PDE11A: variants seen among roughly 807,000 people sequenced by gnomAD.
The protein encoded by PDE11A is phosphodiesterase 11A, also known as dual 3',5'-cyclic-AMP and -GMP phosphodiesterase 11A.
In PDE11A, 100 loss-of-function variants were observed where a neutral mutation model predicts 100.5. The ratio of observed to expected loss-of-function variants is 1.00; its 90% CI spans 0.85 to 1.18. The LOEUF (loss-of-function observed/expected upper bound fraction) is 1.18. Ranked by LOEUF, PDE11A falls within the 50% of genes most tolerant of loss-of-function variation. The pLI, the probability that PDE11A is intolerant of heterozygous loss-of-function variation, is 0.00. For missense variants in PDE11A, 1,141 were observed against 1,152.6 expected, an observed-to-expected ratio of 0.99 and a Z score of 0.15; for synonymous variants, 381 against 420.8, an observed-to-expected ratio of 0.91 and a Z score of 1.16.
Position 178,072,685 on chromosome 2 carries a change from G to T in PDE11A, c.-248C>A, listed in dbSNP as rs1446050724. 1.4e-6 allele frequency: 2 copies of T among 1,411,836 alleles called. No individual in the cohort carries two copies. The highest frequency in any genetic ancestry group is 5.3e-5 in the East Asian group (2 of 37,694). The allele number at this position is 1,411,836 out of a possible 1,614,324, so 87.5% of individuals were successfully genotyped here. A position where few individuals can be genotyped will look rare whatever the true frequency, so the allele number is the denominator to read the frequency against. On this transcript the variant is annotated 5_prime_UTR_variant, in exon 1 of 20. Coordinates refer to ENST00000286063, the MANE Select transcript of PDE11A (RefSeq NM_016953.4). ...CCGCACAGGTGCCCAGCACTGAGCT[G>T]CCGCCGCTGCCCCGGCTCCTGTTCC... is the stretch of plus-strand genomic sequence containing the variant.
chr2:177,788,808 C>T (rs1287686124), intron 9 of PDE11A, among the ~76,000 whole-genome samples: 11 of 152,194 alleles, frequency 7.2e-5, no homozygotes, highest in Middle Eastern at 3.4e-3. Context: ...ATAAATTCCT[C>T]GACACATACA....
At chr2:178,085,479 C>T (rs1304740397) in intron 2 of PDE11A, among the ~76,000 whole-genome samples, 1 of 151,904 alleles carries the variant, frequency 6.6e-6, no homozygotes, top group African/African-American at 2.4e-5. Flanking sequence ...GAGCATCAAA[C>T]AATATTCCCA....
At position 177,859,466 on chromosome 2, in the gene PDE11A, A is replaced by G. The variant is rs138650977; in HGVS notation, c.1367+16393T>C. The stretch of plus-strand genomic sequence containing the variant: ...ACACCTAATAACACATCCCTAAAAC[A>G]TATGAAGCAAAGGTTGAGAGAACTG... On this transcript the variant is annotated intron_variant, in intron 5 of 19. Coordinates refer to ENST00000286063, the MANE Select transcript of PDE11A (RefSeq NM_016953.4). Among the ~76,000 whole-genome samples the G allele has an allele frequency of 9.7e-3, 1,472 of 151,970 alleles. 21 individuals are homozygous for G. Among genetic ancestry groups the G allele is most frequent in the Middle Eastern group, 0.037 (11 of 294 alleles).
intron 2 of PDE11A, among the ~76,000 whole-genome samples, chr2:177,933,241 G>A (rs1055404306): frequency 6.6e-6 from 1 of 152,076 alleles, no homozygotes; most frequent in Non-Finnish European, 1.5e-5. Flanking sequence ...TCATTAAAAT[G>A]GCCATATTGC....
intron 10 of PDE11A, among the ~76,000 whole-genome samples, chr2:177,740,705 G>C (rs1438594031): frequency 6.6e-6 from 1 of 152,172 alleles, no homozygotes; most frequent in African/African-American, 2.4e-5. Flanking sequence ...CTGCAGCACA[G>C]CATGGAATTA....
In PDE11A at chr2:177,817,877, G is replaced by A. The variant is rs777556697; in HGVS notation, c.1625C>T (p.Ala542Val). Reference sequence around the variant, plus strand: ...TCTTACCTCAAAAAGTCGTTGATCTGCATCATCAAAAGGTTTCCCATCAAG... The same window carrying A: ...TCTTACCTCAAAAAGTCGTTGATCTACATCATCAAAAGGTTTCCCATCAAG... ...NRLDGKPFDD[A>V]DQRLFEAFVI... Residue 542 changes from alanine (A) to valine (V), a missense_variant, in exon 8 of 20, where the codon GCA (alanine) becomes GTA (valine). Ala to Val is a moderately conservative substitution (Grantham distance 64). Transcript: ENST00000286063. 55 of 1,530,296 alleles carry A rather than the reference G, an allele frequency of 3.6e-5. 1 individual carries two copies. In the South Asian group the frequency reaches 5.7e-4, roughly 16 times the overall value. The allele number at this position is 1,530,296 out of a possible 1,614,324, so 94.8% of individuals were successfully genotyped here. A position where few individuals can be genotyped will look rare whatever the true frequency, so the allele number is the denominator to read the frequency against.
chr2:177,733,460 C>T (rs1331451007), intron 10 of PDE11A, among the ~76,000 whole-genome samples: 1 of 152,172 alleles, frequency 6.6e-6, no homozygotes, highest in Non-Finnish European at 1.5e-5. Flanking sequence ...AGTCATAAAA[C>T]TGCCTCCTCT....
chr2:177,991,404 G>A (rs1220895811), intron 2 of PDE11A, among the ~76,000 whole-genome samples: 1 of 150,718 alleles, frequency 6.6e-6, no homozygotes, highest in African/African-American at 2.4e-5. Flanking sequence ...GGGAGGCCAA[G>A]GCGGGCAGAT....
rs1366819364 is a variant in PDE11A, at chr2:177,817,886, A to C, written c.1616T>G (p.Phe539Cys). ...QVLNRLDGKPFDDADQRLFEA... is the reference protein window; with the variant it reads ...QVLNRLDGKPCDDADQRLFEA... ...AAAAAGTCGTTGATCTGCATCATCA[A>C]AAGGTTTCCCATCAAGTCTGTTTAA... The change falls in exon 8 of 20, where the codon TTT becomes TGT. Residue 539 changes from phenylalanine (F) to cysteine (C), a missense_variant. Physicochemically the swap from Phe to Cys is radical, Grantham distance 205 (BLOSUM62 -2). Transcript: ENST00000286063. The C allele has an allele frequency of 1.3e-6, 2 of 1,550,008 alleles. No homozygotes were observed. The highest frequency in any genetic ancestry group is 2.2e-5 in the East Asian group (1 of 44,596).
At chr2:177,662,356 C>A (rs918235381) in intron 19 of PDE11A, among the ~76,000 whole-genome samples, 3 of 152,194 alleles carry the variant, frequency 2.0e-5, no homozygotes, top group Non-Finnish European at 4.4e-5. Context: ...ATATCTTCAT[C>A]CTCCTAAGCT....
At chr2:177,883,427 C>T (rs1451737455) in intron 4 of PDE11A, among the ~76,000 whole-genome samples, 1 of 152,136 alleles carries the variant, frequency 6.6e-6, no homozygotes, top group Non-Finnish European at 1.5e-5. Context: ...TCTATAAACA[C>T]CAAGGGGCAC....
chr2:177,836,858 G>A (rs1033476926), intron 6 of PDE11A, among the ~76,000 whole-genome samples: 2 of 152,148 alleles, frequency 1.3e-5, no homozygotes, highest in African/African-American at 4.8e-5. Context: ...TGAAGCCAGC[G>A]AGACCATGAA....
rs530291446 is a variant in PDE11A, at chr2:177,632,772, G to A, written c.2647-3210C>T. On this transcript the variant is annotated intron_variant, in intron 19 of 19. Transcript: ENST00000286063. The stretch of plus-strand genomic sequence containing the variant: ...ATTTTGGATGCCTACTAACTGTACC[G>A]AACTTTAGAGGTTGTCATAGGGGAA... Among the ~76,000 whole-genome samples the A allele has an allele frequency of 5.3e-5, 8 of 152,142 alleles. No homozygotes were observed. The East Asian group carries it at 5.8e-4, about 11-fold the overall frequency.
At chr2:178,000,555 G>A (rs899458687) in intron 2 of PDE11A, among the ~76,000 whole-genome samples, 8 of 151,940 alleles carry the variant, frequency 5.3e-5, no homozygotes, top group African/African-American at 1.9e-4. Context: ...TCTCAGTTGA[G>A]GAAAATATAA....
intron 10 of PDE11A, among the ~76,000 whole-genome samples, chr2:177,737,264 TAAATA>T (rs59497046): frequency 1.4e-5 from 2 of 144,704 alleles, no homozygotes. Flanking sequence ...AATAAATAAA[TAAATA>T]AAATAAAATA....
intron 2 of PDE11A, among the ~76,000 whole-genome samples, chr2:177,971,897 T>C (rs1020201785): frequency 6.6e-6 from 1 of 151,100 alleles, no homozygotes; most frequent in Admixed American, 6.6e-5. Flanking sequence ...AAAGACATAA[T>C]GTGATTACCC....
intron 1 of PDE11A, among the ~76,000 whole-genome samples, chr2:178,051,961 G>A (rs2086833842): frequency 6.6e-6 from 1 of 152,080 alleles, no homozygotes. Context: ...CAACGAGACA[G>A]AAAGTTAACA....
chr2:177,997,929 G>T, intron 2 of PDE11A: 1 of 1,277,220 alleles, frequency 7.8e-7, no homozygotes, highest in Non-Finnish European at 1.1e-6. Flanking sequence ...CCAACTGTAT[G>T]TCAAGACCTT....
intron 1 of PDE11A, among the ~76,000 whole-genome samples, chr2:178,016,381 G>A (rs984887991): frequency 6.6e-6 from 1 of 151,902 alleles, no homozygotes; most frequent in Admixed American, 6.6e-5. Flanking sequence ...TAAAGAGAGG[G>A]AAATCAAAAC....
Sources: allele counts gnomAD v4.1 joint callset (sites outside exome capture counted in the v4.1 genomes callset), GRCh38; gene constraint gnomAD v4.1.1; transcripts MANE v1.5; gene names NCBI Gene and HGNC (gene_info 2026-07-23, HGNC 2026-07-21).